Variants in PHF2 observed in about 807,000 individuals in gnomAD.
The protein encoded by PHF2 is PHD finger protein 2.
In PHF2, 27 loss-of-function variants were observed where a neutral mutation model predicts 120.5. That is an observed-to-expected ratio of 0.22 (90% CI 0.17 to 0.31). The LOEUF (loss-of-function observed/expected upper bound fraction) is 0.31. Among genes scored for constraint, PHF2 ranks in the 10% least tolerant of loss-of-function variants. The pLI, the probability that PHF2 is intolerant of heterozygous loss-of-function variation, is 1.00. For missense variants in PHF2, 1,024 were observed against 1,434.8 expected, an observed-to-expected ratio of 0.71 and a Z score of 4.63; for synonymous variants, 568 against 592.5, an observed-to-expected ratio of 0.96 and a Z score of 0.60.
intron 3 of PHF2, among the ~76,000 whole-genome samples, chr9:93,642,185 C>T (rs934891098): frequency 5.9e-5 from 9 of 152,130 alleles, no homozygotes; most frequent in South Asian, 2.1e-4. Context: ...GTAGGAGCTT[C>T]GTATTGAATT....
chr9:93,640,467 C>T (rs1826157219), intron 3 of PHF2, among the ~76,000 whole-genome samples: 1 of 151,954 alleles, frequency 6.6e-6, no homozygotes, highest in South Asian at 2.1e-4. Context: ...CTTTTCTTGG[C>T]CATGTCTAGT....
intron 20 of PHF2, among the ~76,000 whole-genome samples, chr9:93,676,152 C>T (rs771797532): frequency 2.6e-5 from 4 of 152,302 alleles, no homozygotes; most frequent in Admixed American, 6.5e-5. Flanking sequence ...TGTTCTGTCT[C>T]TACATGCTCC....
intron 13 of PHF2, 149 bp downstream of exon 13, chr9:93,663,175 G>A (rs969219240): frequency 2.1e-5 from 24 of 1,130,294 alleles, no homozygotes; most frequent in Admixed American, 1.1e-4. Flanking sequence ...GTGTGCTTAC[G>A]TGGGTCTGAG....
intron 1 of PHF2, among the ~76,000 whole-genome samples, chr9:93,609,113 C>T (rs1251803222): frequency 4.6e-5 from 4 of 86,504 alleles, no homozygotes; most frequent in Non-Finnish European, 6.8e-5. Flanking sequence ...TTAAAATGTG[C>T]GATATACGTT....
chr9:93,676,846 G>A lies in PHF2; in HGVS notation c.3085G>A (p.Ala1029Thr), dbSNP rs571905486. The A allele has an allele frequency of 7.0e-6, 11 of 1,562,580 alleles. No individual in the cohort carries two copies. In the African/African-American group the frequency reaches 1.2e-4, roughly 17 times the overall value. The change falls in exon 21 of 22, where the codon GCT (alanine) becomes ACT (threonine). Residue 1029 changes from alanine (A) to threonine (T), a missense_variant. Ala to Thr is a moderately conservative substitution (Grantham distance 58). This residue lies in a region of PHF2 where 677 missense variants were observed against 857.4 expected (regional missense o/e 0.79). Transcript: ENST00000359246. ...CCTGGCGGACCATGAGTACACAGCC[G>A]CTGGCACCTTCACCGGGGCCCAGGC... ...SSLADHEYTA[A>T]GTFTGAQAGR...
At chr9:93,627,492 A>ATTTTTTTTTTTGTTTTTTTTT (rs1825932401) in intron 1 of PHF2, among the ~76,000 whole-genome samples, 1 of 108,176 alleles carries the variant, frequency 9.2e-6, no homozygotes, top group Non-Finnish European at 1.8e-5. Flanking sequence ...TTATTTCAGG[A>ATTTTTTTTTTTGTTTTTTTTT]TTTTTTTTTT....
In PHF2 at chr9:93,645,757, C is replaced by T. The variant is rs374342080; in HGVS notation, c.428C>T (p.Thr143Met). The T allele has an allele frequency of 5.9e-5, 95 of 1,607,238 alleles. No individual in the cohort carries two copies. Among genetic ancestry groups the T allele is most frequent in the Non-Finnish European group, 7.1e-5 (83 of 1,177,266 alleles). ...CTGGGTCTGGCTGTCCCGGCCCCCACGTTCTATGTCAGTGACGTCGAGAAC... is the reference window on the plus strand; with the variant it reads ...CTGGGTCTGGCTGTCCCGGCCCCCATGTTCTATGTCAGTGACGTCGAGAAC... ...DGLGLAVPAP[T>M]FYVSDVENYV... Residue 143 changes from threonine to methionine, a missense_variant, in exon 4 of 22, where the codon ACG becomes ATG. Coordinates refer to ENST00000359246, the MANE Select transcript of PHF2 (RefSeq NM_005392.4).
In PHF2 at chr9:93,677,915, G is replaced by T; in HGVS notation, c.*239G>T. Reference sequence around the variant, plus strand: ...AAGAGTGATCTGTCCCAGAAAAGCGGCCCTGCAAGTTTGAGGACCGCTTAT... The same window carrying T: ...AAGAGTGATCTGTCCCAGAAAAGCGTCCCTGCAAGTTTGAGGACCGCTTAT... On this transcript the variant is annotated 3_prime_UTR_variant, in exon 22 of 22. Coordinates refer to ENST00000359246, the MANE Select transcript of PHF2 (RefSeq NM_005392.4). This position sits in a 1 kb window ranked among gnomAD's most constrained non-coding sequence, Gnocchi z 4.4. The T allele has an allele frequency of 2.0e-6, 1 of 510,662 alleles. No individual in the cohort carries two copies. The highest frequency in any genetic ancestry group is 3.5e-6 in the Non-Finnish European group (1 of 288,192). 31.6% of individuals were successfully genotyped at this position (510,662 alleles called of 1,614,324 possible).
chr9:93,633,947 T>C (rs1413844428), intron 2 of PHF2, among the ~76,000 whole-genome samples: 1 of 152,118 alleles, frequency 6.6e-6, no homozygotes, highest in African/African-American at 2.4e-5. Flanking sequence ...TCACTGCTGC[T>C]GCATAACCAC....
At chr9:93,676,259 G>A (rs573843078) in intron 20 of PHF2, among the ~76,000 whole-genome samples, 12 of 152,332 alleles carry the variant, frequency 7.9e-5, no homozygotes, top group Non-Finnish European at 1.6e-4. Context: ...CCTCATCTGG[G>A]CACACAAGGA....
intron 1 of PHF2, among the ~76,000 whole-genome samples, chr9:93,603,137 G>C (rs956561035): frequency 6.6e-6 from 1 of 152,196 alleles, no homozygotes; most frequent in Non-Finnish European, 1.5e-5. Context: ...CATGAATCTT[G>C]TGGATTCCGT....
intron 1 of PHF2, among the ~76,000 whole-genome samples, chr9:93,593,955 A>G (rs570426346): frequency 6.6e-6 from 1 of 152,354 alleles, no homozygotes; most frequent in South Asian, 2.1e-4. Flanking sequence ...TTTTATAATC[A>G]GATATAAAGT....
At chr9:93,651,966 G>A (rs918967384) in intron 5 of PHF2, among the ~76,000 whole-genome samples, 58 of 152,214 alleles carry the variant, frequency 3.8e-4, no homozygotes, top group Middle Eastern at 3.2e-3. Flanking sequence ...GGTTTCAGAG[G>A]TTGGCAGTGG....
At chr9:93,672,546 G>T in intron 17 of PHF2, 1 of 984,968 alleles carries the variant, frequency 1.0e-6, no homozygotes, top group Non-Finnish European at 1.2e-6. Context: ...GTGGGGGTAG[G>T]TATAGGTGTA....
At chr9:93,618,961 C>T (rs1213923231) in intron 1 of PHF2, among the ~76,000 whole-genome samples, 1 of 29,888 alleles carries the variant, frequency 3.3e-5, no homozygotes, top group African/African-American at 1.2e-4. Flanking sequence ...GGTCCCAGGC[C>T]TCACTCTAGT....
At chr9:93,661,618 G>A (rs1207667270) in intron 12 of PHF2, among the ~76,000 whole-genome samples, 1 of 151,800 alleles carries the variant, frequency 6.6e-6, no homozygotes, top group Non-Finnish European at 1.5e-5. Context: ...TGGGTGGATG[G>A]ATGGATGGAA....
At chr9:93,615,136 A>G (rs1825704726) in intron 1 of PHF2, among the ~76,000 whole-genome samples, 1 of 151,132 alleles carries the variant, frequency 6.6e-6, no homozygotes, top group African/African-American at 2.4e-5. Context: ...GATGATGGTG[A>G]TGGTGATAGT....
At position 93,667,211 on chromosome 9, in the gene PHF2, G is replaced by A; in HGVS notation, c.2319G>A (p.Glu773=). ...GILDLLQASE[E]VGALEYNPSS... is the part of the protein sequence containing the mutation. ...TGGACCTGCTGCAGGCCAGTGAGGAGGTTGGCGCGCTGGAGTACAACCCCA... is the reference window on the plus strand; with the variant it reads ...TGGACCTGCTGCAGGCCAGTGAGGAAGTTGGCGCGCTGGAGTACAACCCCA... The change falls in exon 17 of 22, where the codon GAG becomes GAA. Residue 773 remains glutamate (E), a synonymous_variant. Coordinates refer to ENST00000359246, the MANE Select transcript of PHF2 (RefSeq NM_005392.4). 6.2e-7 allele frequency: 1 copy of A among 1,612,094 alleles called. No individual in the cohort carries two copies. The highest frequency in any genetic ancestry group is 8.5e-7 in the Non-Finnish European group (1 of 1,179,598).
intron 4 of PHF2, among the ~76,000 whole-genome samples, chr9:93,648,399 TTGCAGTGA>T (rs969315122): frequency 1.3e-5 from 2 of 152,244 alleles, no homozygotes; most frequent in Non-Finnish European, 2.9e-5. Flanking sequence ...GGCCACACTC[TTGCAGTGA>T]TGCAGACAAG....
Sources: allele counts gnomAD v4.1 joint callset (sites outside exome capture counted in the v4.1 genomes callset), GRCh38; gene constraint gnomAD v4.1.1; regional missense constraint gnomAD v4.1.1; non-coding constraint Gnocchi (gnomAD v3.1); transcripts MANE v1.5; gene names NCBI Gene and HGNC (gene_info 2026-07-23, HGNC 2026-07-21).